The following NTM variants were observed in gnomAD, a reference collection of about 807,000 sequenced individuals.
The protein encoded by NTM is IgLON family member 2.
NTM carries 13 observed loss-of-function variants against 42.1 expected under a neutral mutation model. The ratio of observed to expected loss-of-function variants is 0.31; its 90% CI spans 0.20 to 0.49. NTM has a LOEUF of 0.49. Among genes scored for constraint, NTM ranks in the 20% least tolerant of loss-of-function variants. The probability of loss-of-function intolerance (pLI) is 0.99; values close to 1 mark genes in which losing one functional copy is unlikely to be tolerated. For synonymous variants in NTM, 187 were observed against 179.2 expected, an observed-to-expected ratio of 1.04 and a Z score of -0.35; for missense variants, 373 against 452.8, an observed-to-expected ratio of 0.82 and a Z score of 1.60.
At chr11:131,705,492 GA>G (rs2076504447) in intron 1 of NTM, among the ~76,000 whole-genome samples, 1 of 152,056 alleles carries the variant, frequency 6.6e-6, no homozygotes, top group African/African-American at 2.4e-5. Flanking sequence ...TCTTCAAGTT[GA>G]AATGAAAGGA....
chr11:131,991,289 T>C (rs1485275192), intron 2 of NTM, among the ~76,000 whole-genome samples: 2 of 152,144 alleles, frequency 1.3e-5, no homozygotes, highest in African/African-American at 4.8e-5. Context: ...CATTGCATAG[T>C]TGAGAACAGC....
At chr11:131,726,201 C>T (rs1403657358) in intron 1 of NTM, among the ~76,000 whole-genome samples, 1 of 152,180 alleles carries the variant, frequency 6.6e-6, no homozygotes, top group African/African-American at 2.4e-5. Flanking sequence ...GTCTATACAA[C>T]ATCTATTTAC....
intron 7 of NTM, among the ~76,000 whole-genome samples, chr11:132,317,295 GGTGGGGAA>G: frequency 6.6e-6 from 1 of 151,742 alleles, no homozygotes; most frequent in South Asian, 2.1e-4. Flanking sequence ...AAACGATGGG[GGTGGGGAA>G]GTGGGAAACA....
At chr11:132,166,555 C>T (rs988613382) in intron 3 of NTM, among the ~76,000 whole-genome samples, 1 of 152,170 alleles carries the variant, frequency 6.6e-6, no homozygotes, top group African/African-American at 2.4e-5. Context: ...AGTTTTCCTG[C>T]AGCTCAGAAT....
intron 1 of NTM, among the ~76,000 whole-genome samples, chr11:131,734,755 T>C (rs1024830414): frequency 1.3e-5 from 2 of 152,216 alleles, no homozygotes; most frequent in African/African-American, 4.8e-5. Context: ...TAAATAACTA[T>C]ATCAGCATTA....
At chr11:131,807,974 A>G (rs2092582343) in intron 1 of NTM, among the ~76,000 whole-genome samples, 1 of 152,172 alleles carries the variant, frequency 6.6e-6, no homozygotes, top group Admixed American at 6.5e-5. Flanking sequence ...AAAATGTTTA[A>G]GTGAAGGTGA....
At chr11:131,672,446 A>T (rs2070483838) in intron 1 of NTM, among the ~76,000 whole-genome samples, 1 of 152,118 alleles carries the variant, frequency 6.6e-6, no homozygotes, top group African/African-American at 2.4e-5. Context: ...GTGGCTCTGC[A>T]GCTCCGAGGA....
rs1397236048 is a variant in NTM at position 131,838,559 on chromosome 11, AG to A, written c.83-73004del. ...TTGATGTTGTTGTGAGATTGGAGAT[AG>A]TGTAGGTAAAGTGCCAGTATCCAGG... is the stretch of plus-strand genomic sequence containing the variant. On this transcript the variant is annotated intron_variant, in intron 1 of 8. Coordinates refer to ENST00000683400, the MANE Select transcript of NTM (RefSeq NM_001352005.2). Among the ~76,000 whole-genome samples the A allele has an allele frequency of 2.0e-5, 3 of 152,186 alleles. No homozygotes were observed. In the East Asian group the frequency reaches 5.8e-4, roughly 29 times the overall value.
chr11:132,226,667 C>G (rs2086366145), intron 4 of NTM, among the ~76,000 whole-genome samples: 1 of 152,084 alleles, frequency 6.6e-6, no homozygotes. Flanking sequence ...GTAAAGATAG[C>G]CAGTAAAGGC....
intron 3 of NTM, among the ~76,000 whole-genome samples, chr11:132,160,707 C>G (rs1348453234): frequency 6.6e-6 from 1 of 152,162 alleles, no homozygotes; most frequent in Non-Finnish European, 1.5e-5. Flanking sequence ...CCTGAAGAAG[C>G]CCAGGGACTT....
chr11:131,821,858 C>G (rs959566182), intron 1 of NTM, among the ~76,000 whole-genome samples: 4 of 152,162 alleles, frequency 2.6e-5, no homozygotes, highest in African/African-American at 7.2e-5. Flanking sequence ...TTTCACAGAA[C>G]TTTCTTAGGT....
At chr11:132,130,315 A>G (rs896099156) in intron 2 of NTM, among the ~76,000 whole-genome samples, 1 of 152,130 alleles carries the variant, frequency 6.6e-6, no homozygotes, top group Non-Finnish European at 1.5e-5. Context: ...AGTCAGAGAA[A>G]GTCATAAGAT....
intron 1 of NTM, among the ~76,000 whole-genome samples, chr11:131,541,866 C>G (rs895851135): frequency 6.6e-6 from 1 of 152,236 alleles, no homozygotes; most frequent in Non-Finnish European, 1.5e-5. Context: ...CCCCTACTTC[C>G]TCCATGCTAT....
intron 1 of NTM, chr11:131,537,428 G>A (rs918507413): frequency 6.6e-6 from 1 of 152,162 alleles, no homozygotes; most frequent in Admixed American, 6.5e-5. Context: ...CAGGGTATAA[G>A]CAACTTGTGC....
chr11:132,320,899 C>T lies in NTM; in HGVS notation c.934+6196C>T, dbSNP rs547092349. Among the ~76,000 whole-genome samples the T allele has an allele frequency of 1.8e-3, 277 of 150,900 alleles. 6 individuals are homozygous for T. The highest frequency in any genetic ancestry group is 6.7e-4 in the Non-Finnish European group (45 of 67,500). The stretch of plus-strand genomic sequence containing the variant: ...CCCCGAGCAGCCTAACTGGGAGGCA[C>T]CCCCCAGCAGGGCCACACTGACACC... On this transcript the variant is annotated intron_variant, in intron 7 of 8. Transcript: ENST00000683400.
At chr11:132,148,524 C>G (rs1039111759) in intron 3 of NTM, among the ~76,000 whole-genome samples, 1 of 151,990 alleles carries the variant, frequency 6.6e-6, no homozygotes, top group African/African-American at 2.4e-5. Flanking sequence ...GAACTAGGAA[C>G]TATTAGAGAT....
intron 1 of NTM, among the ~76,000 whole-genome samples, chr11:131,621,636 CAAAAAAAAA>C (rs527788930): frequency 0.022 from 2,228 of 99,106 alleles, 34 homozygotes; most frequent in South Asian, 0.065. Context: ...CCTATCTTTA[CAAAAAAAAA>C]AAAAAAAAAA....
chr11:132,043,042 A>G (rs1400340969), intron 2 of NTM, among the ~76,000 whole-genome samples: 1 of 152,226 alleles, frequency 6.6e-6, no homozygotes, highest in Admixed American at 6.5e-5. Flanking sequence ...AAAGTGGAAT[A>G]CATTGTAGAG....
At chr11:131,697,202 A>T (rs1208709646) in intron 1 of NTM, among the ~76,000 whole-genome samples, 2 of 152,214 alleles carry the variant, frequency 1.3e-5, no homozygotes, top group Non-Finnish European at 1.5e-5. Flanking sequence ...GATTACAGTC[A>T]TTACAATTTT....
Sources: gnomAD v4.1 joint callset for allele counts (sites outside exome capture counted in the v4.1 genomes callset) on GRCh38, gnomAD v4.1.1 for gene constraint, MANE v1.5 for transcripts, NCBI Gene and HGNC (gene_info 2026-07-23, HGNC 2026-07-21) for gene names.